CNTNAP5: variants seen among roughly 807,000 people sequenced by gnomAD.
CNTNAP5 encodes contactin associated protein family member 5.
In CNTNAP5, 72 loss-of-function variants were observed where a neutral mutation model predicts 150.2. The ratio of observed to expected loss-of-function variants is 0.48; its 90% CI spans 0.40 to 0.58. The LOEUF (loss-of-function observed/expected upper bound fraction) is 0.58. Ranked by LOEUF, CNTNAP5 falls within the 20% of genes least tolerant of loss-of-function variation. CNTNAP5 has a pLI of 0.00. For synonymous variants in CNTNAP5, 672 were observed against 619.8 expected (o/e 1.08, Z -1.25); for missense variants, 1,636 against 1,626.2 (o/e 1.01, Z -0.10).
At position 124,498,523 on chromosome 2, in the gene CNTNAP5, A is replaced by G. The variant is rs561778844; in HGVS notation, c.1063-5769A>G. ...CATCATGTTGCCGAGGCAGATCTCA[A>G]ATTCCTGGATTGAAGTGATCCTCCC... On this transcript the variant is annotated intron_variant, in intron 7 of 23. Transcript: ENST00000682447. Among the ~76,000 whole-genome samples the G allele has an allele frequency of 2.6e-5, 4 of 152,264 alleles. No individual in the cohort carries two copies. The South Asian group carries it at 8.3e-4, about 32-fold the overall frequency.
intron 1 of CNTNAP5, among the ~76,000 whole-genome samples, chr2:124,113,995 C>A (rs1388806395): frequency 6.6e-6 from 1 of 151,796 alleles, no homozygotes. Context: ...TAACCTTGTG[C>A]CAATATCGCA....
At chr2:124,283,781 G>A (rs564862556) in intron 3 of CNTNAP5, among the ~76,000 whole-genome samples, 22 of 152,248 alleles carry the variant, frequency 1.4e-4, no homozygotes, top group Non-Finnish European at 2.4e-4. Context: ...TATCTGGTGC[G>A]GGCTTTCTGT....
rs1558742999 is a variant in CNTNAP5, at chr2:124,706,796, AG to A, written c.2078-40431del. 3.0e-3 allele frequency among the ~76,000 whole-genome samples: 30 copies of A among 10,006 alleles called. 1 individual carries two copies. The highest frequency in any genetic ancestry group is 7.7e-3 in the East Asian group (3 of 388). 6.6% of individuals were successfully genotyped at this position (10,006 alleles called of 152,430 possible). ...AAGAAGAAGAAGAAGAAGAAGAAGA[AG>A]GAGGAGGAGGAGGAGGAGGAGGAGG... On this transcript the variant is annotated intron_variant, in intron 13 of 23. Transcript: ENST00000682447.
rs899346637 is a variant in CNTNAP5 at position 124,917,173 on chromosome 2, A to C, written c.*2885A>C. On this transcript the variant is annotated 3_prime_UTR_variant, in exon 24 of 24. Coordinates refer to ENST00000682447, the MANE Select transcript of CNTNAP5 (RefSeq NM_001367498.1). ...GTTTCCCAACTACATGCTCTGGCCA[A>C]CTGGGCCACCATGATCTCTTCCACT... 6.6e-6 allele frequency among the ~76,000 whole-genome samples: 1 copy of C among 151,992 alleles called. No individual in the cohort carries two copies. The highest frequency in any genetic ancestry group is 1.9e-4 in the East Asian group (1 of 5,158).
chr2:124,406,089 C>T (rs1691563217), intron 3 of CNTNAP5, among the ~76,000 whole-genome samples: 1 of 152,114 alleles, frequency 6.6e-6, no homozygotes, highest in African/African-American at 2.4e-5. Flanking sequence ...TCTTCTTTGA[C>T]CTACGGGTTA....
intron 13 of CNTNAP5, among the ~76,000 whole-genome samples, chr2:124,705,666 A>G (rs1679621512): frequency 6.6e-6 from 1 of 152,198 alleles, no homozygotes; most frequent in South Asian, 2.1e-4. Context: ...ACATAATACA[A>G]TTCCATAAAA....
rs73953205 is a variant in CNTNAP5, at chr2:124,869,595, G to A, written c.3349-80G>A. 5,650 of 880,848 alleles carry A rather than the reference G, an allele frequency of 6.4e-3. 124 individuals carry two copies. Among genetic ancestry groups the A allele is most frequent in the African/African-American group, 0.055 (3,326 of 60,340 alleles). 54.6% of individuals were successfully genotyped at this position (880,848 alleles called of 1,614,324 possible). ...CTGCTATCTGTATGCATTTTTTCAA[G>A]CTATTTCCAGATGGGATCGTTTTAT... On this transcript the variant is annotated intron_variant, in intron 20 of 23. Coordinates refer to ENST00000682447, the MANE Select transcript of CNTNAP5 (RefSeq NM_001367498.1).
At chr2:124,191,787 C>T (rs529923810) in intron 1 of CNTNAP5, among the ~76,000 whole-genome samples, 48 of 152,016 alleles carry the variant, frequency 3.2e-4, no homozygotes, top group Middle Eastern at 3.4e-3. Flanking sequence ...TGGTGGCTCA[C>T]GCCTGTAATC....
intron 1 of CNTNAP5, among the ~76,000 whole-genome samples, chr2:124,211,775 T>C (rs1179266079): frequency 6.6e-6 from 1 of 152,180 alleles, no homozygotes; most frequent in Non-Finnish European, 1.5e-5. Context: ...TAAGTTCCAG[T>C]GAGCAGAATG....
Position 124,207,446 on chromosome 2 carries a change from A to T in CNTNAP5, c.83-14259A>T, listed in dbSNP as rs141424331. Among the ~76,000 whole-genome samples the T allele has an allele frequency of 3.7e-4, 57 of 152,330 alleles. 1 individual carries two copies. The East Asian group carries it at 7.7e-3, about 21-fold the overall frequency. On this transcript the variant is annotated intron_variant, in intron 1 of 23. Transcript: ENST00000682447. The stretch of plus-strand genomic sequence containing the variant: ...CAGACCATTCAATTTGCAAAGTACA[A>T]TGTTGGGGGGATAGAAAAGGAAGGA...
intron 1 of CNTNAP5, among the ~76,000 whole-genome samples, chr2:124,210,778 G>A (rs966777185): frequency 1.3e-4 from 20 of 152,148 alleles, no homozygotes; most frequent in African/African-American, 4.3e-4. Context: ...CTGTATAAGT[G>A]CAGAATTTCC....
chr2:124,911,609 G>C, intron 23 of CNTNAP5, 71 bp downstream of exon 23: 1 of 1,273,874 alleles, frequency 7.9e-7, no homozygotes, highest in Non-Finnish European at 1.1e-6. Context: ...GTTATCTGAA[G>C]CTTTCCTTAA....
chr2:124,844,219 C>A (rs914010184), intron 19 of CNTNAP5, among the ~76,000 whole-genome samples: 2 of 151,896 alleles, frequency 1.3e-5, no homozygotes, highest in East Asian at 3.9e-4. Flanking sequence ...CAGTTTCATT[C>A]TTTTACATGG....
intron 1 of CNTNAP5, among the ~76,000 whole-genome samples, chr2:124,069,025 C>A (rs905480927): frequency 3.3e-5 from 5 of 152,030 alleles, no homozygotes; most frequent in African/African-American, 1.2e-4. Context: ...AGTAGAGCAC[C>A]AAGTGGGATC....
intron 3 of CNTNAP5, among the ~76,000 whole-genome samples, chr2:124,413,361 C>T (rs74702622): frequency 0.3 from 44,620 of 149,842 alleles, 7,738 homozygotes; most frequent in East Asian, 0.51. Flanking sequence ...TATCATTTGA[C>T]GCAGCCATCC....
intron 3 of CNTNAP5, among the ~76,000 whole-genome samples, chr2:124,297,632 T>G (rs1006490549): frequency 1.3e-5 from 2 of 151,918 alleles, no homozygotes; most frequent in Admixed American, 1.3e-4. Context: ...ACTCTTCTGA[T>G]TTGCAGCTTC....
At chr2:124,580,959 G>A (rs942661786) in intron 11 of CNTNAP5, among the ~76,000 whole-genome samples, 1 of 152,126 alleles carries the variant, frequency 6.6e-6, no homozygotes, top group Non-Finnish European at 1.5e-5. Flanking sequence ...CATAATGTGT[G>A]GAGCACAGGG....
chr2:124,804,045 A>G (rs1007170539), intron 19 of CNTNAP5, among the ~76,000 whole-genome samples: 1 of 152,204 alleles, frequency 6.6e-6, no homozygotes, highest in African/African-American at 2.4e-5. Flanking sequence ...GTGTCAAGTA[A>G]CACTTTGCTG....
intron 3 of CNTNAP5, among the ~76,000 whole-genome samples, chr2:124,343,207 T>C (rs1033015030): frequency 1.3e-5 from 2 of 152,172 alleles, no homozygotes; most frequent in African/African-American, 2.4e-5. Context: ...TATACAATAA[T>C]TAAATGTAAT....
Sources: allele counts gnomAD v4.1 joint callset (sites outside exome capture counted in the v4.1 genomes callset), GRCh38; gene constraint gnomAD v4.1.1; transcripts MANE v1.5; gene names NCBI Gene and HGNC (gene_info 2026-07-23, HGNC 2026-07-21).